The following SLCO1A2 variants were observed in gnomAD, a reference collection of about 807,000 sequenced individuals.
The protein encoded by SLCO1A2 is solute carrier organic anion transporter family member 1A2.
Under a neutral mutation model 69.0 loss-of-function variants are expected in SLCO1A2, and 67 were observed. That is an observed-to-expected ratio of 0.97 (90% CI 0.80 to 1.19). The LOEUF (loss-of-function observed/expected upper bound fraction) is 1.19, where lower values mean the gene tolerates loss of function less well. Among genes scored for constraint, SLCO1A2 ranks in the 50% most tolerant of loss-of-function variants. SLCO1A2 has a pLI of 0.00. For synonymous variants in SLCO1A2, 260 were observed against 265.9 expected (o/e 0.98, Z 0.22); for missense variants, 787 against 793.7 (o/e 0.99, Z 0.10).
intron 1 of SLCO1A2, among the ~76,000 whole-genome samples, chr12:21,401,336 A>G (rs889753666): frequency 2.0e-5 from 3 of 151,932 alleles, no homozygotes; most frequent in East Asian, 1.9e-4. Flanking sequence ...AAATTAAAAT[A>G]AAAATAAAAT....
At chr12:21,356,862 T>A (rs11045996) in intron 2 of SLCO1A2, among the ~76,000 whole-genome samples, 1 of 152,166 alleles carries the variant, frequency 6.6e-6, no homozygotes, top group East Asian at 1.9e-4. Context: ...TATAGAGTAG[T>A]GAGAACTTTT....
At chr12:21,408,632 G>A (rs747762883) in intron 1 of SLCO1A2, among the ~76,000 whole-genome samples, 6 of 151,970 alleles carry the variant, frequency 3.9e-5, no homozygotes, top group Non-Finnish European at 8.8e-5. Context: ...TACTAGTCCT[G>A]TAAGCTGGCA....
chr12:21,418,879 T>C (rs1565536589), upstream of SLCO1A2, among the ~76,000 whole-genome samples: 3 of 152,154 alleles, frequency 2.0e-5, no homozygotes, highest in Non-Finnish European at 2.9e-5. Context: ...TCTATTTTTG[T>C]ATGGCCTGTG....
At chr12:21,318,034 C>A (rs531660050) in intron 3 of SLCO1A2, among the ~76,000 whole-genome samples, 33 of 152,168 alleles carry the variant, frequency 2.2e-4, no homozygotes, top group African/African-American at 7.7e-4. Context: ...ACCTCCCAGA[C>A]CAAATAGCAG....
At chr12:21,327,296 T>C (rs1425770461) in intron 2 of SLCO1A2, among the ~76,000 whole-genome samples, 1 of 152,154 alleles carries the variant, frequency 6.6e-6, no homozygotes, top group Non-Finnish European at 1.5e-5. Flanking sequence ...AGGACCCTCA[T>C]GGAGAACCTC....
At chr12:21,386,295 C>T (rs561081237) in intron 1 of SLCO1A2, among the ~76,000 whole-genome samples, 168 of 152,158 alleles carry the variant, frequency 1.1e-3, no homozygotes, top group African/African-American at 3.9e-3. Flanking sequence ...CAATATCTGC[C>T]TTGCAAAGAT....
At chr12:21,278,315 A>G (rs1379950416) in intron 12 of SLCO1A2, among the ~76,000 whole-genome samples, 1 of 152,160 alleles carries the variant, frequency 6.6e-6, no homozygotes, top group African/African-American at 2.4e-5. Context: ...GGACTGGGAA[A>G]ACTCACAGCT....
At chr12:21,385,673 T>G (rs932243756) in intron 1 of SLCO1A2, among the ~76,000 whole-genome samples, 8 of 152,184 alleles carry the variant, frequency 5.3e-5, no homozygotes, top group African/African-American at 1.9e-4. Context: ...TTGCAATCAC[T>G]TTTCTTCACA....
chr12:21,310,040 G>A (rs1483158653), intron 4 of SLCO1A2, among the ~76,000 whole-genome samples: 1 of 152,104 alleles, frequency 6.6e-6, no homozygotes, highest in Non-Finnish European at 1.5e-5. Context: ...TAAATCTAGG[G>A]AAAATAAAAA....
At chr12:21,404,975 C>T (rs1268772975) in intron 1 of SLCO1A2, among the ~76,000 whole-genome samples, 2 of 152,080 alleles carry the variant, frequency 1.3e-5, no homozygotes, top group Non-Finnish European at 2.9e-5. Context: ...ATTTGCATTT[C>T]TCTAATGATC....
intron 1 of SLCO1A2, among the ~76,000 whole-genome samples, chr12:21,415,589 TA>T (rs1837733151): frequency 6.6e-6 from 1 of 152,124 alleles, no homozygotes; most frequent in South Asian, 2.1e-4. Flanking sequence ...GTGATGGTTT[TA>T]AAATATTGCT....
chr12:21,339,006 C>G (rs190190718), upstream of SLCO1A2, among the ~76,000 whole-genome samples: 1 of 152,076 alleles, frequency 6.6e-6, no homozygotes, highest in African/African-American at 2.4e-5. Context: ...CTCTTTGAGC[C>G]TATTCCTCAT....
intron 2 of SLCO1A2, among the ~76,000 whole-genome samples, chr12:21,367,258 G>A (rs1025088079): frequency 6.6e-6 from 1 of 152,148 alleles, no homozygotes; most frequent in African/African-American, 2.4e-5. Context: ...AGTCTTTCAT[G>A]TGTCCATTCT....
chr12:21,302,540 A>G (rs1369035699), intron 6 of SLCO1A2, among the ~76,000 whole-genome samples: 1 of 148,340 alleles, frequency 6.7e-6, no homozygotes, highest in Non-Finnish European at 1.5e-5. Flanking sequence ...TCTTGATTTC[A>G]TTTATTACCT....
chr12:21,377,256 T>C (rs1241992695), intron 1 of SLCO1A2, among the ~76,000 whole-genome samples: 1 of 152,178 alleles, frequency 6.6e-6, no homozygotes, highest in Admixed American at 6.5e-5. Context: ...CAGGAAAATG[T>C]ATTTATGCTA....
intron 12 of SLCO1A2, among the ~76,000 whole-genome samples, chr12:21,291,043 A>C (rs1173107925): frequency 6.6e-6 from 1 of 152,200 alleles, no homozygotes; most frequent in Non-Finnish European, 1.5e-5. Flanking sequence ...TTTTAGCTAC[A>C]AAGTTATTTG....
At chr12:21,364,451 G>A (rs999309408) in intron 2 of SLCO1A2, among the ~76,000 whole-genome samples, 1 of 152,068 alleles carries the variant, frequency 6.6e-6, no homozygotes, top group Non-Finnish European at 1.5e-5. Flanking sequence ...ATACTGAATG[G>A]GCAAAAACTG....
At chr12:21,364,931 T>G (rs1009636397) in intron 2 of SLCO1A2, among the ~76,000 whole-genome samples, 6 of 152,218 alleles carry the variant, frequency 3.9e-5, no homozygotes, top group African/African-American at 1.4e-4. Context: ...TTCATGCTCG[T>G]GGATAGGAAG....
At chr12:21,306,854 C>G in intron 5 of SLCO1A2, 28 bp downstream of exon 5, 1 of 1,542,494 alleles carries the variant, frequency 6.5e-7, no homozygotes, top group African/African-American at 1.4e-5. Flanking sequence ...GTTCGCTGAA[C>G]AAAAATCAAT....
Sources: allele counts gnomAD v4.1 joint callset (sites outside exome capture counted in the v4.1 genomes callset), GRCh38; gene constraint gnomAD v4.1.1; transcripts MANE v1.5; gene names NCBI Gene and HGNC (gene_info 2026-07-23, HGNC 2026-07-21).